SEMA3D: variants seen among roughly 807,000 people sequenced by gnomAD.
SEMA3D encodes the protein semaphorin 3D, also known as semaphorin-3D.
A neutral mutation model predicts 100.1 loss-of-function variants in SEMA3D; 84 were observed. The ratio of observed to expected loss-of-function variants is 0.84; its 90% CI spans 0.70 to 1.01. SEMA3D has a LOEUF of 1.01. SEMA3D is among the 50% of genes least tolerant of loss of function. SEMA3D has a pLI of 0.00. For missense variants in SEMA3D, 875 were observed against 934.1 expected, an observed-to-expected ratio of 0.94 and a Z score of 0.82; for synonymous variants, 312 against 320.7, an observed-to-expected ratio of 0.97 and a Z score of 0.29.
chr7:85,055,642 A>G (rs1235377729), intron 9 of SEMA3D, 75 bp downstream of exon 9: 2 of 177,538 alleles, frequency 1.1e-5, no homozygotes, highest in East Asian at 3.0e-4. Context: ...GTTTTTTCAT[A>G]TACATATATA....
intron 2 of SEMA3D, among the ~76,000 whole-genome samples, chr7:85,123,071 A>C (rs1465403473): frequency 6.6e-6 from 1 of 152,178 alleles, no homozygotes; most frequent in Non-Finnish European, 1.5e-5. Context: ...CACTTCACCG[A>C]TGAAACAAAA....
At chr7:85,036,385 T>C (rs189291552) in intron 12 of SEMA3D, among the ~76,000 whole-genome samples, 15 of 152,276 alleles carry the variant, frequency 9.9e-5, no homozygotes, top group African/African-American at 3.6e-4. Context: ...TTTCTAAAAT[T>C]CCTTTCCCAT....
intron 11 of SEMA3D, among the ~76,000 whole-genome samples, chr7:85,040,071 G>A (rs1790813138): frequency 6.8e-6 from 1 of 147,084 alleles, no homozygotes; most frequent in Non-Finnish European, 1.5e-5. Flanking sequence ...CTACCTTCCA[G>A]GCTTAAACAA....
the SEMA3D span, among the ~76,000 whole-genome samples, chr7:85,246,021 A>C: frequency 6.6e-6 from 1 of 152,108 alleles, no homozygotes; most frequent in African/African-American, 2.4e-5. Flanking sequence ...ATGGATAAAA[A>C]CCACAAAATT....
At chr7:85,009,778 G>A (rs1789901034) in intron 17 of SEMA3D, among the ~76,000 whole-genome samples, 1 of 151,678 alleles carries the variant, frequency 6.6e-6, no homozygotes, top group South Asian at 2.1e-4. Context: ...TAGCTCAAAT[G>A]CTATCCATCT....
In SEMA3D at chr7:84,998,020, G is replaced by A. The variant is rs1418028408; in HGVS notation, c.*1420C>T. 4 of 152,086 alleles carry A rather than the reference G, an allele frequency of 2.6e-5. No homozygotes were observed. Among genetic ancestry groups the A allele is most frequent in the Non-Finnish European group, 5.9e-5 (4 of 67,986 alleles). The allele number at this position is 152,086 out of a possible 1,614,324, so 9.4% of individuals were successfully genotyped here. A position where few individuals can be genotyped will look rare whatever the true frequency, so the allele number is the denominator to read the frequency against. On this transcript the variant is annotated 3_prime_UTR_variant, in exon 19 of 19. Coordinates refer to ENST00000284136, the MANE Select transcript of SEMA3D (RefSeq NM_001384900.1). ...GTTTGGTTCTTTTTACATGTAGCAG[G>A]CTTATTTATTGTTAAATTACAAAAA... is the stretch of plus-strand genomic sequence containing the variant.
the SEMA3D span, among the ~76,000 whole-genome samples, chr7:85,215,091 CA>C: frequency 1.3e-5 from 2 of 150,586 alleles, no homozygotes; most frequent in African/African-American, 4.9e-5. Flanking sequence ...TAAATTCTAC[CA>C]AGTGTTCTTC....
intron 18 of SEMA3D, among the ~76,000 whole-genome samples, chr7:85,004,466 T>C (rs770444613): frequency 5.3e-5 from 8 of 152,128 alleles, no homozygotes; most frequent in Non-Finnish European, 1.2e-4. Flanking sequence ...GGACTGCCAA[T>C]TGACTTGCTA....
intron 9 of SEMA3D, among the ~76,000 whole-genome samples, chr7:85,053,001 T>C (rs1375436639): frequency 6.6e-6 from 1 of 151,946 alleles, no homozygotes; most frequent in Non-Finnish European, 1.5e-5. Context: ...AAACTAGTTT[T>C]ACAAGTCAAT....
rs1788066340 is a variant in SEMA3D at position 85,081,566 on chromosome 7, G to A, written c.326C>T (p.Ala109Val). 1 of 1,611,074 alleles carries A rather than the reference G, an allele frequency of 6.2e-7. No homozygotes were observed. The highest frequency in any genetic ancestry group is 8.5e-7 in the Non-Finnish European group (1 of 1,177,602). Residue 109 changes from alanine to valine, a missense_variant, in exon 5 of 19, where the codon GCT becomes GTT. By Grantham distance (64) the Ala-to-Val change is moderately conservative. Transcript: ENST00000284136. Reference protein sequence around the residue: ...NKNFKKIYWPAAKERVELCKL... With the variant: ...NKNFKKIYWPVAKERVELCKL... ...ACATAATTCCACCCGTTCCTTTGCA[G>A]CAGGCCAATAAATCTGCAAAACATT...
At chr7:85,153,546 T>C (rs1308196253) in intron 2 of SEMA3D, 62 bp downstream of exon 2, 1 of 151,538 alleles carries the variant, frequency 6.6e-6, no homozygotes, top group African/African-American at 2.4e-5. Flanking sequence ...TCTATCTATC[T>C]ATCTATCTAT....
chr7:85,059,256 T>C (rs779807260), intron 8 of SEMA3D, among the ~76,000 whole-genome samples: 9 of 152,200 alleles, frequency 5.9e-5, no homozygotes, highest in Non-Finnish European at 1.2e-4. Flanking sequence ...GGGAAAAAGA[T>C]ACATTTAGAC....
chr7:85,215,531 C>G, the SEMA3D span, among the ~76,000 whole-genome samples: 1 of 152,064 alleles, frequency 6.6e-6, no homozygotes, highest in Admixed American at 6.6e-5. Context: ...GAACTGCAAT[C>G]TTTTTTCTCC....
intron 15 of SEMA3D, among the ~76,000 whole-genome samples, chr7:85,016,737 C>T (rs1395904196): frequency 6.6e-6 from 1 of 151,304 alleles, no homozygotes; most frequent in Non-Finnish European, 1.5e-5. Context: ...ATAACACCCT[C>T]CTTCTTAATC....
At chr7:85,124,858 G>C (rs1789521314) in intron 2 of SEMA3D, among the ~76,000 whole-genome samples, 1 of 152,086 alleles carries the variant, frequency 6.6e-6, no homozygotes, top group Non-Finnish European at 1.5e-5. Flanking sequence ...TAATACATTA[G>C]GACTCAAAAC....
chr7:85,186,484 C>T (rs904868504), intron 1 of SEMA3D, among the ~76,000 whole-genome samples, 194 bp downstream of exon 1: 1 of 152,140 alleles, frequency 6.6e-6, no homozygotes, highest in East Asian at 1.9e-4. Flanking sequence ...GCGATTACTG[C>T]GCACCGATTT....
chr7:85,238,046 G>T, the SEMA3D span, among the ~76,000 whole-genome samples: 416 of 152,250 alleles, frequency 2.7e-3, no homozygotes, highest in African/African-American at 9.6e-3. Context: ...TCAAATGCTT[G>T]CCATCTGTAC....
chr7:85,127,243 T>G (rs1169622942), intron 2 of SEMA3D, among the ~76,000 whole-genome samples: 1 of 152,180 alleles, frequency 6.6e-6, no homozygotes, highest in Non-Finnish European at 1.5e-5. Context: ...CTAAGCTATT[T>G]GTCAGTAAAT....
chr7:85,068,740 T>C (rs1023495996), intron 6 of SEMA3D, among the ~76,000 whole-genome samples: 2 of 152,168 alleles, frequency 1.3e-5, no homozygotes, highest in Non-Finnish European at 2.9e-5. Context: ...GTCAAATGAC[T>C]TAAACCCTGT....
Sources: allele counts gnomAD v4.1 joint callset (sites outside exome capture counted in the v4.1 genomes callset), GRCh38; gene constraint gnomAD v4.1.1; transcripts MANE v1.5; gene names NCBI Gene and HGNC (gene_info 2026-07-23, HGNC 2026-07-21).